MKI67: variants seen among roughly 807,000 people sequenced by gnomAD.
The protein encoded by MKI67 is marker of proliferation Ki-67.
Under a neutral mutation model 233.5 loss-of-function variants are expected in MKI67, and 152 were observed. The ratio of observed to expected loss-of-function variants is 0.65; its 90% CI spans 0.57 to 0.74. The LOEUF is 0.74. Ranked by LOEUF, MKI67 falls within the 30% of genes least tolerant of loss-of-function variation. MKI67 has a pLI of 0.00. For synonymous variants in MKI67, 1,465 were observed against 1,418.5 expected, an observed-to-expected ratio of 1.03 and a Z score of -0.74; for missense variants, 3,940 against 3,885.2, an observed-to-expected ratio of 1.01 and a Z score of -0.37.
chr10:128,112,583 G>A, intron 8 of MKI67, 138 bp from the exon 9 acceptor site: 1 of 836,826 alleles, frequency 1.2e-6, no homozygotes, highest in Non-Finnish European at 1.9e-6. Flanking sequence ...TGTCTTTGAA[G>A]ACTATGGTAG....
At position 128,105,126 on chromosome 10, in the gene MKI67, C is replaced by T; in HGVS notation, c.6714G>A (p.Gln2238=). Residue 2238 remains glutamine (Q), a synonymous_variant, in exon 13 of 15, where the codon CAG becomes CAA. Transcript: ENST00000368654. The part of the protein sequence containing the change: ...PVGTPTIFKP[Q]SKRSLRKADV... Reference sequence around the variant, plus strand: ...CTGCTTTCCTGAGACTTCTCTTGGACTGTGGCTTGAAGATTGTTGGGGTAC... The same window carrying T: ...CTGCTTTCCTGAGACTTCTCTTGGATTGTGGCTTGAAGATTGTTGGGGTAC... 1.2e-6 allele frequency: 2 copies of T among 1,613,716 alleles called. No individual in the cohort carries two copies. Among genetic ancestry groups the T allele is most frequent in the South Asian group, 1.1e-5 (1 of 91,066 alleles).
Position 128,108,461 on chromosome 10 carries a change from T to C in MKI67, c.3379A>G (p.Ile1127Val), listed in dbSNP as rs980509596. The C allele has an allele frequency of 1.2e-6, 2 of 1,613,742 alleles. No homozygotes were observed. Among genetic ancestry groups the C allele is most frequent in the African/African-American group, 2.7e-5 (2 of 74,776 alleles). The change falls in exon 13 of 15, where the codon ATA becomes GTA. Residue 1127 changes from isoleucine to valine, a missense_variant. Physicochemically the swap from Ile to Val is conservative, Grantham distance 29. Coordinates refer to ENST00000368654, the MANE Select transcript of MKI67 (RefSeq NM_002417.5). Reference protein sequence around the residue: ...ESMTDEKTTKIACKSPPPESV... With the variant: ...ESMTDEKTTKVACKSPPPESV... ...TCTGGTGGTGGAGATTTGCAGGCTA[T>C]TTTGGTAGTTTTCTCATCAGTCATT...
rs1432583277 is a variant in MKI67 at position 128,103,166 on chromosome 10, T to G, written c.8674A>C (p.Lys2892Gln). 1.2e-6 allele frequency: 2 copies of G among 1,612,300 alleles called. No homozygotes were observed. The highest frequency in any genetic ancestry group is 1.7e-5 in the Admixed American group (1 of 59,844). ...TKAFKQPAKR[K>Q]LDAEDVIGSR... Reference sequence around the variant, plus strand: ...CCAATTACATCTTCTGCGTCCAGCTTCCGCTTTGCAGGTTGCTTAAATGCT... The same window carrying G: ...CCAATTACATCTTCTGCGTCCAGCTGCCGCTTTGCAGGTTGCTTAAATGCT... The change falls in exon 13 of 15, where the codon AAG becomes CAG. Residue 2892 changes from lysine (K) to glutamine (Q), a missense_variant. Transcript: ENST00000368654.
Position 128,111,733 on chromosome 10 carries a change from A to G in MKI67, c.2172T>C (p.Thr724=). 6.2e-7 allele frequency: 1 copy of G among 1,614,186 alleles called. No homozygotes were observed. The highest frequency in any genetic ancestry group is 1.7e-5 in the Admixed American group (1 of 60,028). ...GTCGAGCAGGCACATGTACTTTTTC[A>G]GTATGAGCTTTCCCTATTATTATGG... The part of the protein sequence containing the change: ...PCTIIIGKAH[T]EKVHVPARPY... The change falls in exon 11 of 15, where the codon ACT becomes ACC. Residue 724 remains threonine (T), a synonymous_variant. Coordinates refer to ENST00000368654, the MANE Select transcript of MKI67 (RefSeq NM_002417.5).
In MKI67 at chr10:128,105,366, G is replaced by A. The variant is rs140046988; in HGVS notation, c.6474C>T (p.Asn2158=). Residue 2158 remains asparagine (N), a synonymous_variant, in exon 13 of 15, where the codon AAC becomes AAT. Transcript: ENST00000368654. ...TCTGTTTTGCAGTTTCCCTGAACAC[G>A]TTGATGCCTTTATCCTCATCTCCTG... ...KVPGDEDKGI[N]VFRETAKQKL... The A allele has an allele frequency of 1.3e-4, 208 of 1,614,028 alleles. No homozygotes were observed. In the Middle Eastern group the frequency reaches 1.8e-3, roughly 14 times the overall value.
chr10:128,100,782 A>G (rs773373250), intron 14 of MKI67, among the ~76,000 whole-genome samples: 9 of 152,132 alleles, frequency 5.9e-5, no homozygotes, highest in Non-Finnish European at 7.4e-5. Context: ...CTGACCAGGA[A>G]CTCTCACATA....
chr10:128,104,432 C>G lies in MKI67; in HGVS notation c.7408G>C (p.Glu2470Gln). Residue 2470 changes from glutamate to glutamine, a missense_variant, in exon 13 of 15, where the codon GAG becomes CAG. Glu to Gln is a conservative substitution (Grantham distance 29). Transcript: ENST00000368654. Reference protein sequence around the residue: ...TEVSCKSPQPESFKTSRSSKQ... With the variant: ...TEVSCKSPQPQSFKTSRSSKQ... Reference sequence around the variant, plus strand: ...GAGCTTCTTGAGGTTTTGAATGACTCTGGCTGTGGAGATTTACAGGATACT... The same window carrying G: ...GAGCTTCTTGAGGTTTTGAATGACTGTGGCTGTGGAGATTTACAGGATACT... The G allele has an allele frequency of 6.2e-7, 1 of 1,614,040 alleles. No homozygotes were observed.
intron 14 of MKI67, 106 bp downstream of exon 14, chr10:128,101,152 G>T: frequency 9.9e-7 from 1 of 1,007,086 alleles, no homozygotes; most frequent in Non-Finnish European, 1.5e-6. Flanking sequence ...GGAGCTGGCA[G>T]AGTGCTGTTG....
At position 128,107,895 on chromosome 10, in the gene MKI67, A is replaced by C. The variant is rs1852553690; in HGVS notation, c.3945T>G (p.Thr1315=). The C allele has an allele frequency of 6.2e-7, 1 of 1,613,074 alleles. No individual in the cohort carries two copies. Among genetic ancestry groups the C allele is most frequent in the Admixed American group, 1.7e-5 (1 of 59,864 alleles). ...EEKDIIIFVG[T]PVQKLDLTEN... ...CTGTCAGGTCCAGTTTCTGCACTGG[A>C]GTTCCCACAAATATGATGATGTCTT... Residue 1315 remains threonine, a synonymous_variant, in exon 13 of 15, where the codon ACT becomes ACG. Coordinates refer to ENST00000368654, the MANE Select transcript of MKI67 (RefSeq NM_002417.5).
intron 2 of MKI67, among the ~76,000 whole-genome samples, chr10:128,124,375 G>A (rs1853013664): frequency 6.6e-6 from 1 of 152,188 alleles, no homozygotes; most frequent in African/African-American, 2.4e-5. Context: ...TCTGTATTGT[G>A]GGGGCTGCCC....
At position 128,107,587 on chromosome 10, in the gene MKI67, G is replaced by T. The variant is rs755826500; in HGVS notation, c.4253C>A (p.Thr1418Lys). The T allele has an allele frequency of 1.4e-5, 23 of 1,614,022 alleles. No homozygotes were observed. In the South Asian group the frequency reaches 2.3e-4, roughly 16 times the overall value. ...ACCTCCTGGTACTTTATCTGTGTGT[G>T]TGGTTTCCCCTGATGTCTGTGTGAG... ...KKLTQTSGET[T>K]HTDKVPGGED... Residue 1418 changes from threonine (T) to lysine (K), a missense_variant, in exon 13 of 15, where the codon ACA becomes AAA. Coordinates refer to ENST00000368654, the MANE Select transcript of MKI67 (RefSeq NM_002417.5).
At position 128,097,868 on chromosome 10, in the gene MKI67, T is replaced by C. The variant is rs1270986167; in HGVS notation, c.*1322A>G. The C allele has an allele frequency of 6.6e-6, 1 of 152,158 alleles. No individual in the cohort carries two copies. Among genetic ancestry groups the C allele is most frequent in the Non-Finnish European group, 1.5e-5 (1 of 68,058 alleles). 9.4% of individuals were successfully genotyped at this position (152,158 alleles called of 1,614,324 possible). A position where few individuals can be genotyped will look rare whatever the true frequency, so the allele number is the denominator to read the frequency against. Reference sequence around the variant, plus strand: ...GTGAGAACCCTATCATGGCAGCCAATATAGTACAAGTCAGTACCGCTGATT... The same window carrying C: ...GTGAGAACCCTATCATGGCAGCCAACATAGTACAAGTCAGTACCGCTGATT... On this transcript the variant is annotated 3_prime_UTR_variant, in exon 15 of 15. Transcript: ENST00000368654.
At chr10:128,100,121 T>G (rs1361205864) in intron 14 of MKI67, among the ~76,000 whole-genome samples, 1 of 152,214 alleles carries the variant, frequency 6.6e-6, no homozygotes, top group African/African-American at 2.4e-5. Flanking sequence ...GCCTGTGGTT[T>G]CTAGGACCTT....
chr10:128,112,316 G>A lies in MKI67; in HGVS notation c.1786C>T (p.Arg596Cys), dbSNP rs1380563165. The change falls in exon 9 of 15, where the codon CGT becomes TGT. Residue 596 changes from arginine to cysteine, a missense_variant. Transcript: ENST00000368654. ...GCAGGGGCTGTTTTGCAGGACCTAC[G>A]GCGTTGATCACTGGCAACTGGAGTT... is the stretch of plus-strand genomic sequence containing the variant. ...RKTPVASDQR[R>C]RSCKTAPASS... 9.3e-6 allele frequency: 15 copies of A among 1,614,164 alleles called. No individual in the cohort carries two copies. The highest frequency in any genetic ancestry group is 2.2e-5 in the East Asian group (1 of 44,878).
rs1357842079 is a variant in MKI67, at chr10:128,106,944, C to T, written c.4896G>A (p.Arg1632=). 3.1e-6 allele frequency: 5 copies of T among 1,614,004 alleles called. No homozygotes were observed. The highest frequency in any genetic ancestry group is 1.3e-5 in the African/African-American group (1 of 74,858). The change falls in exon 13 of 15, where the codon CGG becomes CGA. Residue 1632 remains arginine (R), a synonymous_variant. Transcript: ENST00000368654. ...CCACTTTCCCCAGGGATGTCTTGAG[C>T]CGTCGCTTGGAGCTTGCTGGGTTTT... ...PDKNPASSKR[R]LKTSLGKVGV...
chr10:128,100,467 G>A (rs1852314313), intron 14 of MKI67, among the ~76,000 whole-genome samples: 1 of 152,196 alleles, frequency 6.6e-6, no homozygotes, highest in Non-Finnish European at 1.5e-5. Context: ...ATTGCTACAT[G>A]AGTTTCGTTT....
chr10:128,104,614 T>C lies in MKI67; in HGVS notation c.7226A>G (p.Gln2409Arg). The change falls in exon 13 of 15, where the codon CAG becomes CGG. Residue 2409 changes from glutamine (Q) to arginine (R), a missense_variant. Gln to Arg is a conservative substitution (Grantham distance 43). Transcript: ENST00000368654. Reference protein sequence around the residue: ...NINTFVETPVQKLDLLGNLPG... With the variant: ...NINTFVETPVRKLDLLGNLPG... ...TAAATTTCCTAGCAGGTCCAGTTTC[T>C]GCACTGGAGTTTCCACAAATGTGTT... 6.2e-7 allele frequency: 1 copy of C among 1,614,122 alleles called. No homozygotes were observed. The highest frequency in any genetic ancestry group is 8.5e-7 in the Non-Finnish European group (1 of 1,180,018).
At chr10:128,112,786 GC>G (rs1350196612) in intron 8 of MKI67, among the ~76,000 whole-genome samples, 2 of 152,160 alleles carry the variant, frequency 1.3e-5, no homozygotes, top group African/African-American at 4.8e-5. Flanking sequence ...AGGACTGCTT[GC>G]CCCTGGGAGC....
chr10:128,126,354 A>G lies in MKI67; in HGVS notation c.-345T>C, dbSNP rs1227471347. On this transcript the variant is annotated 5_prime_UTR_variant, in exon 1 of 15. Coordinates refer to ENST00000368654, the MANE Select transcript of MKI67 (RefSeq NM_002417.5). ...GCTACGTCCCCGGGCGCCCGGCTCT[A>G]GCGGCTCCCACCGAGTCGAGTCCTC... 1 of 148,896 alleles carries G rather than the reference A, an allele frequency of 6.7e-6. No homozygotes were observed. Among genetic ancestry groups the G allele is most frequent in the Non-Finnish European group, 1.5e-5 (1 of 67,226 alleles). The allele number at this position is 148,896 out of a possible 1,614,324, so 9.2% of individuals were successfully genotyped here.
Sources: allele counts gnomAD v4.1 joint callset (sites outside exome capture counted in the v4.1 genomes callset), GRCh38; gene constraint gnomAD v4.1.1; transcripts MANE v1.5; gene names NCBI Gene and HGNC (gene_info 2026-07-23, HGNC 2026-07-21).